The following IQCH variants were observed in gnomAD, a reference collection of about 807,000 sequenced individuals.
IQCH encodes the protein IQ domain-containing protein H.
A neutral mutation model predicts 117.0 loss-of-function variants in IQCH; 98 were observed. That is an observed-to-expected ratio of 0.84 (90% confidence interval 0.71 to 0.99). The LOEUF is 0.99. IQCH is among the 50% of genes least tolerant of loss of function. The pLI, the probability that IQCH is intolerant of heterozygous loss-of-function variation, is 0.00. For synonymous variants in IQCH, 412 were observed against 448.2 expected, an observed-to-expected ratio of 0.92 and a Z score of 1.02; for missense variants, 1,102 against 1,243.8, an observed-to-expected ratio of 0.89 and a Z score of 1.72.
At chr15:67,492,352 T>A (rs1249060273) in intron 19 of IQCH, among the ~76,000 whole-genome samples, 1 of 152,122 alleles carries the variant, frequency 6.6e-6, no homozygotes, top group East Asian at 1.9e-4. Flanking sequence ...AAGGAGAAGC[T>A]GGGACACGAC....
Position 67,356,677 on chromosome 15 carries a change from A to T in IQCH, c.638-668A>T, listed in dbSNP as rs536796577. Among the ~76,000 whole-genome samples the T allele has an allele frequency of 1.2e-4, 18 of 152,310 alleles. No homozygotes were observed. The highest frequency in any genetic ancestry group is 3.8e-4 in the African/African-American group (16 of 41,586). On this transcript the variant is annotated intron_variant, in intron 6 of 20. Coordinates refer to ENST00000335894, the MANE Select transcript of IQCH (RefSeq NM_001031715.3). This position sits in a 1 kb window ranked among gnomAD's most constrained non-coding sequence, Gnocchi z 5.3. ...TGTTCTCTTTCTTGGGCTGAGTAGT[A>T]TAAGGATTTTTCTCCCCTGAGAATG...
rs1201692429 is a variant in IQCH, at chr15:67,494,255, C to T, written c.2862-3C>T. The T allele has an allele frequency of 6.2e-7, 1 of 1,602,442 alleles. No homozygotes were observed. The highest frequency in any genetic ancestry group is 1.7e-5 in the Admixed American group (1 of 57,272). ...AACTCATTTGTTTGGATATCATTAA[C>T]AGAACAATCGGCGAGGATCTCCAGG... On this transcript the variant is annotated splice_polypyrimidine_tract_variant and splice_region_variant and intron_variant, in intron 19 of 20. Coordinates refer to ENST00000335894, the MANE Select transcript of IQCH (RefSeq NM_001031715.3). The surrounding 1 kb of genome is among the most constrained non-coding windows in gnomAD (Gnocchi z 5.5).
At chr15:67,350,301 A>G (rs4410030) in intron 6 of IQCH, among the ~76,000 whole-genome samples, 45,484 of 152,122 alleles carry the variant, frequency 0.3, 6,996 homozygotes, top group African/African-American at 0.38. Flanking sequence ...TATTTACATG[A>G]CATTTTTAGA....
chr15:67,423,285 G>A (rs2081796442), intron 16 of IQCH, among the ~76,000 whole-genome samples: 2 of 152,170 alleles, frequency 1.3e-5, no homozygotes, highest in Non-Finnish European at 2.9e-5. Context: ...AGAAAGATTG[G>A]CTGGGTGTGG....
intron 16 of IQCH, among the ~76,000 whole-genome samples, chr15:67,429,667 C>T (rs1024560282): frequency 2.0e-5 from 3 of 152,228 alleles, no homozygotes; most frequent in Non-Finnish European, 4.4e-5. Flanking sequence ...TACAATAAGA[C>T]ATGGGAAACA....
intron 4 of IQCH, among the ~76,000 whole-genome samples, chr15:67,327,694 TC>T (rs1436092024): frequency 6.6e-6 from 1 of 152,210 alleles, no homozygotes; most frequent in Non-Finnish European, 1.5e-5. Context: ...AACTCCAGAC[TC>T]TATGCTTGCT....
At position 67,395,889 on chromosome 15, in the gene IQCH, C is replaced by T. The variant is rs1271750349; in HGVS notation, c.1905+326C>T. On this transcript the variant is annotated intron_variant, in intron 13 of 20. Transcript: ENST00000335894. The surrounding 1 kb of genome is among the most constrained non-coding windows in gnomAD (Gnocchi z 4.0). ...TTCACCATGTTGGCCAGGCTGGTCT[C>T]GAACTCCTGACCTCTAGTGATCTGC... Among the ~76,000 whole-genome samples, 3 of 151,800 alleles carry T rather than the reference C, an allele frequency of 2.0e-5. No homozygotes were observed. The highest frequency in any genetic ancestry group is 4.8e-5 in the African/African-American group (2 of 41,304).
intron 6 of IQCH, among the ~76,000 whole-genome samples, chr15:67,351,483 C>T (rs1001390235): frequency 3.9e-5 from 6 of 152,188 alleles, no homozygotes; most frequent in African/African-American, 1.4e-4. Flanking sequence ...CATTCCTTCA[C>T]GTTTCCTACT....
At chr15:67,317,693 A>G (rs72745444) in intron 4 of IQCH, among the ~76,000 whole-genome samples, 30 of 152,302 alleles carry the variant, frequency 2.0e-4, no homozygotes, top group Admixed American at 5.2e-4. Flanking sequence ...TCACTTAAAT[A>G]TCTTCTAGGG....
chr15:67,279,513 G>T lies in IQCH; in HGVS notation c.387+1G>T. 6.4e-7 allele frequency: 1 copy of T among 1,559,472 alleles called. No homozygotes were observed. The highest frequency in any genetic ancestry group is 1.1e-5 in the South Asian group (1 of 87,542). ...TCTGCCTGTCTTTCCAAGAGCAAAG[G>T]TAGGTATAGAGAAATTCATAGAGAC... is the stretch of plus-strand genomic sequence containing the variant. On this transcript the variant is annotated splice_donor_variant, in intron 4 of 20. Transcript: ENST00000335894. LOFTEE classifies it high-confidence loss of function.
At chr15:67,278,579 A>G (rs1162933948) in intron 3 of IQCH, among the ~76,000 whole-genome samples, 4 of 152,222 alleles carry the variant, frequency 2.6e-5, no homozygotes, top group Non-Finnish European at 5.9e-5. Context: ...ATTCTCTGAT[A>G]GATATAAGAA....
At chr15:67,489,234 T>C (rs1042231529) in intron 18 of IQCH, among the ~76,000 whole-genome samples, 1 of 151,672 alleles carries the variant, frequency 6.6e-6, no homozygotes, top group African/African-American at 2.4e-5. Flanking sequence ...GGGGTTTCAC[T>C]GTGTTAGCCA....
chr15:67,303,208 C>A (rs752523285), intron 4 of IQCH, among the ~76,000 whole-genome samples: 7 of 152,086 alleles, frequency 4.6e-5, no homozygotes, highest in Non-Finnish European at 7.4e-5. Flanking sequence ...ATTTTGACTC[C>A]ATTTTTATGA....
chr15:67,444,578 A>G (rs908969442), intron 16 of IQCH, among the ~76,000 whole-genome samples: 1 of 152,192 alleles, frequency 6.6e-6, no homozygotes, highest in Non-Finnish European at 1.5e-5. Flanking sequence ...GTGGGAGGTG[A>G]TGGGGACAAC....
At chr15:67,314,562 G>C (rs1967757813) in intron 4 of IQCH, among the ~76,000 whole-genome samples, 2 of 149,620 alleles carry the variant, frequency 1.3e-5, no homozygotes, top group Middle Eastern at 3.5e-3. Flanking sequence ...TTTTATATAA[G>C]CAGTAAAAAC....
intron 4 of IQCH, among the ~76,000 whole-genome samples, chr15:67,311,209 A>T (rs1967577943): frequency 6.6e-6 from 1 of 152,092 alleles, no homozygotes; most frequent in Admixed American, 6.6e-5. Flanking sequence ...CTAATCCTTA[A>T]TTATTAAGGA....
At position 67,366,476 on chromosome 15, in the gene IQCH, A is replaced by G. The variant is rs1970337289; in HGVS notation, c.754-5635A>G. ...TTGTTCCATGAGAATGCATCAAAGG[A>G]TGGGGATTTTTCTCCTCAGGAAGTG... On this transcript the variant is annotated intron_variant, in intron 8 of 20. Coordinates refer to ENST00000335894, the MANE Select transcript of IQCH (RefSeq NM_001031715.3). The surrounding 1 kb of genome is among the most constrained non-coding windows in gnomAD (Gnocchi z 4.4). 6.6e-6 allele frequency among the ~76,000 whole-genome samples: 1 copy of G among 152,118 alleles called. No individual in the cohort carries two copies. Among genetic ancestry groups the G allele is most frequent in the African/African-American group, 2.4e-5 (1 of 41,428 alleles).
chr15:67,254,792 G>A lies in IQCH; in HGVS notation c.-105G>A. On this transcript the variant is annotated 5_prime_UTR_variant, in exon 1 of 21. Transcript: ENST00000335894. ...CCCCTTCCGCTCCCAGCGTGGAACAGGCCAGGTCGCGCGCGGTGTTGCCAT... is the reference window on the plus strand; with the variant it reads ...CCCCTTCCGCTCCCAGCGTGGAACAAGCCAGGTCGCGCGCGGTGTTGCCAT... 1 of 1,378,508 alleles carries A rather than the reference G, an allele frequency of 7.3e-7. No individual in the cohort carries two copies. The highest frequency in any genetic ancestry group is 1.0e-6 in the Non-Finnish European group (1 of 987,038). The allele number at this position is 1,378,508 out of a possible 1,614,324, so 85.4% of individuals were successfully genotyped here. A position where few individuals can be genotyped will look rare whatever the true frequency, so the allele number is the denominator to read the frequency against.
chr15:67,442,865 T>TAGATAGATAG (rs1313067375), intron 16 of IQCH, among the ~76,000 whole-genome samples: 4 of 127,968 alleles, frequency 3.1e-5, no homozygotes, highest in East Asian at 4.5e-4. Flanking sequence ...GATAGATAGA[T>TAGATAGATAG]ATACATATAT....
Sources: gnomAD v4.1 joint callset for allele counts (sites outside exome capture counted in the v4.1 genomes callset) on GRCh38, gnomAD v4.1.1 for gene constraint, Gnocchi (gnomAD v3.1) non-coding constraint, MANE v1.5 for transcripts, NCBI Gene and HGNC (gene_info 2026-07-23, HGNC 2026-07-21) for gene names.